Variants in ATR observed in about 807,000 individuals in gnomAD.
ATR encodes the protein ATR checkpoint kinase, also known as serine/threonine-protein kinase ATR.
A neutral mutation model predicts 305.3 loss-of-function variants in ATR; 142 were observed. That is an observed-to-expected ratio of 0.47 (90% CI 0.41 to 0.53). The LOEUF is 0.53. ATR is among the 20% of genes least tolerant of loss of function. ATR has a pLI of 0.00. For synonymous variants in ATR, 1,050 were observed against 1,068.1 expected (o/e 0.98, Z 0.33); for missense variants, 2,135 against 3,133.1 (o/e 0.68, Z 7.60).
intron 8 of ATR, 67 bp downstream of exon 8, chr3:142,558,557 A>C: frequency 1.6e-6 from 1 of 618,952 alleles, no homozygotes; most frequent in Non-Finnish European, 2.3e-6. Flanking sequence ...TAAATAAATA[A>C]ATAGATAGAT....
chr3:142,454,072 T>C (rs988198653), intron 45 of ATR, among the ~76,000 whole-genome samples: 6 of 152,230 alleles, frequency 3.9e-5, no homozygotes, highest in African/African-American at 1.4e-4. Context: ...AAAGTTATAA[T>C]GTAGTAACAG....
chr3:142,574,895 G>C (rs1003267277), intron 1 of ATR, among the ~76,000 whole-genome samples: 2 of 152,222 alleles, frequency 1.3e-5, no homozygotes, highest in African/African-American at 2.4e-5. Flanking sequence ...GAGGCTCTAT[G>C]TGGCTAAAGC....
At chr3:142,572,372 CTTTTTTTTTT>C (rs11318957) in intron 1 of ATR, among the ~76,000 whole-genome samples, 60 of 56,816 alleles carry the variant, frequency 1.1e-3, no homozygotes, top group African/African-American at 2.2e-3. Context: ...CCCGGCCTGA[CTTTTTTTTTT>C]TTTTTTTTTT....
At chr3:142,493,662 G>A (rs1309787917) in intron 34 of ATR, among the ~76,000 whole-genome samples, 1 of 152,148 alleles carries the variant, frequency 6.6e-6, no homozygotes, top group Non-Finnish European at 1.5e-5. Flanking sequence ...GGGGCCAGGA[G>A]TTTGATACTA....
intron 16 of ATR, among the ~76,000 whole-genome samples, chr3:142,544,818 A>C (rs1284131039): frequency 1.3e-5 from 2 of 152,144 alleles, no homozygotes; most frequent in Admixed American, 6.5e-5. Context: ...AAGTCTCTCC[A>C]GATTAGATGT....
At chr3:142,545,457 G>C (rs1162907524) in intron 16 of ATR, among the ~76,000 whole-genome samples, 1 of 152,180 alleles carries the variant, frequency 6.6e-6, no homozygotes. Flanking sequence ...TTGAAATATA[G>C]GGAGAAAGGA....
intron 13 of ATR, among the ~76,000 whole-genome samples, chr3:142,550,778 C>A (rs938127620): frequency 6.6e-6 from 1 of 151,768 alleles, no homozygotes; most frequent in Admixed American, 6.6e-5. Context: ...CAAAATACAT[C>A]GTTTTTGACA....
rs2031600806 is a variant in ATR at position 142,496,281 on chromosome 3, TATATATATATATATATATATATATA to T, written c.5898+55_5898+79del. 52 of 72,556 alleles carry T rather than the reference TATATATATATATATATATATATATA, an allele frequency of 7.2e-4. 2 individuals are homozygous for T. In the East Asian group the frequency reaches 9.4e-3, roughly 13 times the overall value. 4.5% of individuals were successfully genotyped at this position (72,556 alleles called of 1,614,324 possible). A position where few individuals can be genotyped will look rare whatever the true frequency, so the allele number is the denominator to read the frequency against. ...TAAGGAAGTACATAATTCCCGACTA[TATATATATATATATATATATATATA>T]TATATATATATATATATATATATAT... is the stretch of plus-strand genomic sequence containing the variant. On this transcript the variant is annotated intron_variant, in intron 34 of 46. Coordinates refer to ENST00000350721, the MANE Select transcript of ATR (RefSeq NM_001184.4).
In ATR at chr3:142,496,487, C is replaced by T; in HGVS notation, c.5772G>A (p.Trp1924Ter). Residue 1924 changes from tryptophan to a stop codon, truncating the protein, a stop_gained, in exon 34 of 47, where the codon TGG (tryptophan) becomes TGA (stop). Transcript: ENST00000350721. LOFTEE classifies it high-confidence loss of function. ...PDYNEMVGECWLQSARVARKA... is the reference protein window; with the variant it reads ...PDYNEMVGEC ...TTCTAGCTACCCTGGCACTCTGCAG[C>T]CAGCATTCTCCAACCATTTCATTGT... 1 of 1,611,560 alleles carries T rather than the reference C, an allele frequency of 6.2e-7. No homozygotes were observed. The highest frequency in any genetic ancestry group is 8.5e-7 in the Non-Finnish European group (1 of 1,179,086).
At chr3:142,469,598 A>G (rs368080947) in intron 37 of ATR, 29 bp from the exon 38 acceptor site, 40 of 1,566,760 alleles carry the variant, frequency 2.6e-5, no homozygotes, top group Non-Finnish European at 3.3e-5. Flanking sequence ...TTAAAAAACA[A>G]TAAAGGAAAG....
chr3:142,470,036 C>A, intron 37 of ATR, 50 bp downstream of exon 37: 1 of 1,436,830 alleles, frequency 7.0e-7, no homozygotes, highest in South Asian at 1.2e-5. Context: ...TGACTTTATA[C>A]CAAAGTTATA....
chr3:142,522,297 G>C (rs891925458), intron 23 of ATR, among the ~76,000 whole-genome samples: 1 of 152,176 alleles, frequency 6.6e-6, no homozygotes, highest in African/African-American at 2.4e-5. Context: ...TATGCACTGG[G>C]AAACTGAAGA....
intron 36 of ATR, among the ~76,000 whole-genome samples, chr3:142,473,919 C>T (rs1477749542): frequency 1.4e-5 from 2 of 147,898 alleles, no homozygotes; most frequent in Non-Finnish European, 3.0e-5. Context: ...TTTTTTTCTA[C>T]TTCTGTGAAA....
In ATR at chr3:142,568,055, T is replaced by G. The variant is rs750677232; in HGVS notation, c.151+8A>C. On this transcript the variant is annotated splice_region_variant and intron_variant, in intron 2 of 46. Coordinates refer to ENST00000350721, the MANE Select transcript of ATR (RefSeq NM_001184.4). ...TAAAGTTTATATAAGAAATAATTGG[T>G]TTCTTACCAACATTTACATCTGTAA... is the stretch of plus-strand genomic sequence containing the variant. 1 of 1,590,310 alleles carries G rather than the reference T, an allele frequency of 6.3e-7. No homozygotes were observed. Among genetic ancestry groups the G allele is most frequent in the South Asian group, 1.1e-5 (1 of 87,412 alleles).
At chr3:142,460,877 C>G (rs2071010163) in intron 42 of ATR, among the ~76,000 whole-genome samples, 1 of 152,112 alleles carries the variant, frequency 6.6e-6, no homozygotes, top group Admixed American at 6.5e-5. Context: ...CCTTAATGTT[C>G]ATATCTTGCG....
At chr3:142,473,276 T>C (rs552825451) in intron 36 of ATR, among the ~76,000 whole-genome samples, 9 of 152,312 alleles carry the variant, frequency 5.9e-5, no homozygotes, top group African/African-American at 2.2e-4. Flanking sequence ...GATTTTTGTA[T>C]ATGGTGTAAG....
intron 35 of ATR, among the ~76,000 whole-genome samples, chr3:142,489,113 A>G (rs992181392): frequency 6.6e-6 from 1 of 152,058 alleles, no homozygotes; most frequent in African/African-American, 2.4e-5. Context: ...AGGTGGGAGG[A>G]TCAGTAGAGG....
At chr3:142,562,210 AG>A in intron 4 of ATR, 21 bp downstream of exon 4, 1 of 1,613,252 alleles carries the variant, frequency 6.2e-7, no homozygotes, top group Non-Finnish European at 8.5e-7. Flanking sequence ...ATACTTAACT[AG>A]TAACCTGAAA....
Position 142,449,489 on chromosome 3 carries a change from C to T in ATR, c.7875G>A (p.Gln2625=), listed in dbSNP as rs1802904. 0.87 allele frequency: 1,404,254 copies of T among 1,613,102 alleles called. 612,694 individuals are homozygous for T. Among genetic ancestry groups the T allele is most frequent in the African/African-American group, 0.97 (72,893 of 75,032 alleles). The change falls in exon 47 of 47, where the codon CAG becomes CAA. Residue 2625 remains glutamine, a synonymous_variant. Transcript: ENST00000350721. The part of the protein sequence containing the change: ...SIEGHVHYLI[Q]EATDENLLCQ... ...ATAGTAAGTTTTCATCAGTAGCTTC[C>T]TGTATAAGGTAATGCACATGTCCTT...
Sources: gnomAD v4.1 joint callset for allele counts (sites outside exome capture counted in the v4.1 genomes callset) on GRCh38, gnomAD v4.1.1 for gene constraint, MANE v1.5 for transcripts, NCBI Gene and HGNC (gene_info 2026-07-23, HGNC 2026-07-21) for gene names.